The following TPH2 variants were observed in gnomAD, a reference collection of about 807,000 sequenced individuals.
The protein encoded by TPH2 is tryptophan hydroxylase 2.
Under a neutral mutation model 59.1 loss-of-function variants are expected in TPH2, and 27 were observed. The observed-to-expected ratio is 0.46, with a 90% CI of 0.34 to 0.63. The LOEUF (loss-of-function observed/expected upper bound fraction) is 0.63. Among genes scored for constraint, TPH2 ranks in the 30% least tolerant of loss-of-function variants. The pLI is 0.01. For synonymous variants in TPH2, 220 were observed against 210.5 expected (o/e 1.05, Z -0.39); for missense variants, 523 against 588.3 (o/e 0.89, Z 1.15).
chr12:71,975,693 G>A (rs1872098618), intron 6 of TPH2, among the ~76,000 whole-genome samples: 1 of 152,182 alleles, frequency 6.6e-6, no homozygotes, highest in African/African-American at 2.4e-5. Context: ...GATTATAGAA[G>A]CCACCATGAT....
intron 7 of TPH2, among the ~76,000 whole-genome samples, chr12:71,990,872 T>C (rs1385085421): frequency 6.6e-6 from 1 of 152,244 alleles, no homozygotes; most frequent in African/African-American, 2.4e-5. Flanking sequence ...TGGTCATTTC[T>C]ACTTATAACA....
At chr12:71,947,729 T>C (rs895855906) in intron 4 of TPH2, among the ~76,000 whole-genome samples, 2 of 152,156 alleles carry the variant, frequency 1.3e-5, no homozygotes, top group African/African-American at 4.8e-5. Flanking sequence ...TGCCAGTCCA[T>C]GGTTCAATCC....
chr12:72,014,343 A>G (rs1873179914), intron 8 of TPH2, among the ~76,000 whole-genome samples: 1 of 146,964 alleles, frequency 6.8e-6, no homozygotes, highest in African/African-American at 2.5e-5. Flanking sequence ...GCAAAAACCT[A>G]TTTTCTGCTA....
chr12:71,944,685 C>G lies in TPH2; in HGVS notation c.539C>G (p.Pro180Arg), dbSNP rs1327839278. 6.2e-7 allele frequency: 1 copy of G among 1,613,402 alleles called. No individual in the cohort carries two copies. Among genetic ancestry groups the G allele is most frequent in the Non-Finnish European group, 8.5e-7 (1 of 1,179,394 alleles). ...GGTTCTGAGCTTGATGCTGACCACC[C>G]AGTAAGTGTCCAGTAAAATCTATTT... ...MYGSELDADH[P>R]GFKDNVYRQR... The change falls in exon 4 of 11, where the codon CCA becomes CGA. Residue 180 changes from proline to arginine, a missense_variant and splice_region_variant. By Grantham distance (103) the Pro-to-Arg change is moderately radical. Coordinates refer to ENST00000333850, the MANE Select transcript of TPH2 (RefSeq NM_173353.4).
intron 9 of TPH2, 80 bp downstream of exon 9, chr12:72,022,574 C>A: frequency 9.3e-7 from 1 of 1,074,484 alleles, no homozygotes. Flanking sequence ...TTTGTCTGAG[C>A]ATTTCTACTC....
At chr12:71,963,024 A>G (rs1234640465) in intron 5 of TPH2, among the ~76,000 whole-genome samples, 1 of 53,446 alleles carries the variant, frequency 1.9e-5, no homozygotes, top group African/African-American at 5.3e-5. Context: ...TGGCCTGAAC[A>G]CCTCTGCATT....
intron 8 of TPH2, among the ~76,000 whole-genome samples, chr12:72,012,114 A>G (rs1873113270): frequency 6.6e-6 from 1 of 151,786 alleles, no homozygotes; most frequent in Non-Finnish European, 1.5e-5. Context: ...CTTTCTTTCT[A>G]CCTTAACTAT....
intron 8 of TPH2, among the ~76,000 whole-genome samples, chr12:72,013,862 C>T (rs1873165416): frequency 1.3e-5 from 2 of 152,014 alleles, no homozygotes; most frequent in African/African-American, 4.8e-5. Context: ...CTCTAAGTTT[C>T]TAGCATTTTT....
chr12:71,979,712 A>G (rs1013641060), intron 7 of TPH2, among the ~76,000 whole-genome samples: 2 of 152,204 alleles, frequency 1.3e-5, no homozygotes, highest in African/African-American at 4.8e-5. Context: ...AGGTGATGCT[A>G]TACTGCTCTG....
intron 6 of TPH2, 130 bp from the exon 7 acceptor site, chr12:71,978,822 A>T (rs1746928474): frequency 1.8e-6 from 2 of 1,135,134 alleles, no homozygotes; most frequent in South Asian, 1.2e-5. Flanking sequence ...TATGTCACTC[A>T]GTTGTCAAGA....
At chr12:72,025,330 C>T (rs1314239403) in intron 9 of TPH2, among the ~76,000 whole-genome samples, 1 of 152,074 alleles carries the variant, frequency 6.6e-6, no homozygotes, top group African/African-American at 2.4e-5. Flanking sequence ...GTTTTGGTGT[C>T]ACCTTTATAA....
At chr12:72,001,848 T>C (rs903427367) in intron 8 of TPH2, among the ~76,000 whole-genome samples, 4 of 152,110 alleles carry the variant, frequency 2.6e-5, no homozygotes, top group Admixed American at 6.5e-5. Context: ...GGGAAAAGAT[T>C]CAGCTAGCTA....
chr12:71,961,863 C>T lies in TPH2; in HGVS notation c.609-10656C>T, dbSNP rs558176317. 2.6e-6 allele frequency: 3 copies of T among 1,133,570 alleles called. No individual in the cohort carries two copies. In the African/African-American group the frequency reaches 4.9e-5, roughly 18 times the overall value. The allele number at this position is 1,133,570 out of a possible 1,614,324, so 70.2% of individuals were successfully genotyped here. ...TGTTCTCCCTGAGGCTCCTTAGGTG[C>T]AGTAGTTTATTTTCATTACGTCTCT... On this transcript the variant is annotated intron_variant, in intron 5 of 10. Transcript: ENST00000333850.
intron 8 of TPH2, among the ~76,000 whole-genome samples, chr12:72,003,781 C>T (rs1872882722): frequency 6.6e-6 from 1 of 152,158 alleles, no homozygotes; most frequent in Non-Finnish European, 1.5e-5. Flanking sequence ...CTGCATTGCC[C>T]ACTATGTTCA....
chr12:72,022,425 C>G lies in TPH2; in HGVS notation c.1095C>G (p.Gly365=). The G allele has an allele frequency of 1.2e-6, 2 of 1,613,906 alleles. No individual in the cohort carries two copies. The highest frequency in any genetic ancestry group is 2.2e-5 in the South Asian group (2 of 91,068). ...ATCYFFTIEF[G]LCKQEGQLRA... Reference sequence around the variant, plus strand: ...GCTATTTCTTCACAATCGAGTTTGGCCTTTGCAAGCAAGAAGGGCAACTGC... The same window carrying G: ...GCTATTTCTTCACAATCGAGTTTGGGCTTTGCAAGCAAGAAGGGCAACTGC... The change falls in exon 9 of 11, where the codon GGC becomes GGG. Residue 365 remains glycine (G), a synonymous_variant. Transcript: ENST00000333850.
At chr12:71,969,068 G>T (rs1250434990) in intron 5 of TPH2, among the ~76,000 whole-genome samples, 2 of 152,316 alleles carry the variant, frequency 1.3e-5, no homozygotes, top group East Asian at 3.9e-4. Flanking sequence ...CGGATCACGA[G>T]GTCAGGAGAT....
In TPH2 at chr12:72,021,600, T is replaced by C. The variant is rs147719103; in HGVS notation, c.1069-799T>C. Among the ~76,000 whole-genome samples the C allele has an allele frequency of 9.9e-4, 151 of 152,274 alleles. 4 individuals are homozygous for C. In the East Asian group the frequency reaches 0.015, roughly 15 times the overall value. The stretch of plus-strand genomic sequence containing the variant: ...TTGCTCAACTGTAGACTAATGTAAG[T>C]GTTCTGAGCACTGTTAAGGTAGGCT... On this transcript the variant is annotated intron_variant, in intron 8 of 10. Transcript: ENST00000333850.
intron 8 of TPH2, among the ~76,000 whole-genome samples, chr12:71,994,843 A>G (rs1271603843): frequency 6.6e-6 from 1 of 152,222 alleles, no homozygotes; most frequent in East Asian, 1.9e-4. Flanking sequence ...CTCTGTCAGA[A>G]TTACTCAGCT....
At chr12:71,984,014 G>A (rs906879818) in intron 7 of TPH2, among the ~76,000 whole-genome samples, 4 of 152,150 alleles carry the variant, frequency 2.6e-5, no homozygotes, top group Non-Finnish European at 5.9e-5. Context: ...ACCCTTTGCT[G>A]TGTTGTTCCC....
Sources: gnomAD v4.1 joint callset for allele counts (sites outside exome capture counted in the v4.1 genomes callset) on GRCh38, gnomAD v4.1.1 for gene constraint, MANE v1.5 for transcripts, NCBI Gene and HGNC (gene_info 2026-07-23, HGNC 2026-07-21) for gene names.